PNMA6E: variants seen among roughly 807,000 people sequenced by gnomAD.
PNMA6E encodes the protein PNMA family member 6E, also known as paraneoplastic antigen Ma6E.
For missense variants in PNMA6E, 78 were observed against 50.8 expected, an observed-to-expected ratio of 1.53 and a Z score of -1.63; for synonymous variants, 43 against 17.1, an observed-to-expected ratio of 2.52 and a Z score of -3.74.
Position 153,397,340 on chromosome X carries a change from C to T in PNMA6E, c.1510G>A (p.Gly504Ser), listed in dbSNP as rs2088815573. Residue 504 changes from glycine (G) to serine (S), a missense_variant, in exon 2 of 2, where the codon GGT becomes AGT. Coordinates refer to ENST00000445091, the MANE Select transcript of PNMA6E (RefSeq NM_001367770.1). ...ACTGGGGCCGCTGCCCAGGCCACAC[C>T]CTGCTGGCTCCTCGCTGGGAAGGCT... ...WAAFPARSQQ[G>S]VAWAAAPVES... 1 of 297,063 alleles carries T rather than the reference C, an allele frequency of 3.4e-6. No homozygotes were observed. Among genetic ancestry groups the T allele is most frequent in the South Asian group, 2.0e-4 (1 of 4,997 alleles). The allele number at this position is 297,063 out of a possible 1,213,427, so 24.5% of individuals were successfully genotyped here. A position where few individuals can be genotyped will look rare whatever the true frequency, so the allele number is the denominator to read the frequency against.
At chrX:153,411,375 G>T in the PNMA6E span, among the ~76,000 whole-genome samples, 4 of 112,153 alleles carry the variant, frequency 3.6e-5, no homozygotes, top group Non-Finnish European at 7.6e-5. Flanking sequence ...GCCCCTGTGG[G>T]GCGGGCGCGG....
chrX:153,407,041 A>T, the PNMA6E span, among the ~76,000 whole-genome samples: 1 of 112,518 alleles, frequency 8.9e-6, no homozygotes, highest in Non-Finnish European at 1.9e-5. Context: ...CTGGCACGAG[A>T]TCACAAGCTC....
chrX:153,412,985 G>A, the PNMA6E span, among the ~76,000 whole-genome samples: 4 of 111,480 alleles, frequency 3.6e-5, no homozygotes, highest in African/African-American at 9.8e-5. Context: ...GGAGGGCCCC[G>A]GTCGACCCAT....
In PNMA6E at chrX:153,397,191, G is replaced by C. The variant is rs2088814334; in HGVS notation, c.1659C>G (p.Ala553=). The change falls in exon 2 of 2, where the codon GCC becomes GCG. Residue 553 remains alanine (A), a synonymous_variant. Transcript: ENST00000445091. ...ASATKEAARG[A]PAAGEGESAP... is the part of the protein sequence containing the mutation. The stretch of plus-strand genomic sequence containing the variant: ...CACTTTCACCTTCCCCAGCGGCAGG[G>C]GCTCCCCTTGCAGCCTCTTTGGTGG... 1.0e-5 allele frequency: 3 copies of C among 296,967 alleles called. No individual in the cohort carries two copies. Among genetic ancestry groups the C allele is most frequent in the Non-Finnish European group, 1.8e-5 (3 of 170,203 alleles). 24.5% of individuals were successfully genotyped at this position (296,967 alleles called of 1,213,427 possible).
upstream of PNMA6E, among the ~76,000 whole-genome samples, chrX:153,402,002 T>G (rs998440115): frequency 2.7e-5 from 3 of 110,222 alleles, no homozygotes; most frequent in African/African-American, 9.9e-5. Flanking sequence ...TTTTGGTATT[T>G]TTAGTAGAGA....
rs1345823273 is a variant in PNMA6E at position 153,398,657 on chromosome X, C to T, written c.193G>A (p.Ala65Thr). 1 of 327,369 alleles carries T rather than the reference C, an allele frequency of 3.1e-6. No individual in the cohort carries two copies. The highest frequency in any genetic ancestry group is 2.6e-5 in the African/African-American group (1 of 38,129). The allele number at this position is 327,369 out of a possible 1,213,427, so 27.0% of individuals were successfully genotyped here. A position where few individuals can be genotyped will look rare whatever the true frequency, so the allele number is the denominator to read the frequency against. Reference protein sequence around the residue: ...HFRKELGAKAALVEFAEYLNR... With the variant: ...HFRKELGAKATLVEFAEYLNR... ...AAATACTCAGCGAACTCCACCAAGG[C>T]TGCCTTGGCCCCGAGCTCCTTTCTG... is the stretch of plus-strand genomic sequence containing the variant. The change falls in exon 2 of 2, where the codon GCC becomes ACC. Residue 65 changes from alanine (A) to threonine (T), a missense_variant. Coordinates refer to ENST00000445091, the MANE Select transcript of PNMA6E (RefSeq NM_001367770.1).
At chrX:153,406,899 G>A in the PNMA6E span, among the ~76,000 whole-genome samples, 1 of 111,964 alleles carries the variant, frequency 8.9e-6, no homozygotes, top group South Asian at 3.8e-4. Flanking sequence ...GACCTAAAAC[G>A]TGCAGAGAAC....
the PNMA6E span, among the ~76,000 whole-genome samples, chrX:153,411,869 G>A: frequency 3.5e-5 from 2 of 57,497 alleles, no homozygotes; most frequent in African/African-American, 1.4e-4. Flanking sequence ...CCTCGGGGCC[G>A]CCCCGTACCA....
At chrX:153,406,924 G>C in the PNMA6E span, among the ~76,000 whole-genome samples, 2 of 112,185 alleles carry the variant, frequency 1.8e-5, no homozygotes, top group Non-Finnish European at 3.8e-5. Flanking sequence ...CAGACACCGT[G>C]AATGATGGGA....
chrX:153,411,431 C>CCT, the PNMA6E span, among the ~76,000 whole-genome samples: 1 of 112,372 alleles, frequency 8.9e-6, no homozygotes, highest in African/African-American at 3.2e-5. Flanking sequence ...ATGCCCCCCC[C>CCT]ACAACGCGCC....
chrX:153,404,250 G>A (rs782701270), upstream of PNMA6E: 2 of 110,309 alleles, frequency 1.8e-5, no homozygotes, highest in African/African-American at 3.3e-5. Flanking sequence ...AAAGTGCTGG[G>A]ATTACAGGCA....
the PNMA6E span, among the ~76,000 whole-genome samples, chrX:153,408,971 C>T: frequency 1.1e-4 from 12 of 112,789 alleles, no homozygotes. Context: ...CCACAGACAG[C>T]TTGACGTCAC....
At position 153,398,524 on chromosome X, in the gene PNMA6E, G is replaced by A; in HGVS notation, c.326C>T (p.Pro109Leu). ...VIEFQDMPSF[P>L]AQPQGQAVAK... ...TACTGCTTGACCCTGGGGCTGTGCA[G>A]GAAAACTGGGCATATCCTGAAACTC... The change falls in exon 2 of 2, where the codon CCT (proline) becomes CTT (leucine). Residue 109 changes from proline (P) to leucine (L), a missense_variant. Physicochemically the swap from Pro to Leu is moderately conservative, Grantham distance 98. Transcript: ENST00000445091. 2.7e-6 allele frequency: 1 copy of A among 374,222 alleles called. No individual in the cohort carries two copies. Among genetic ancestry groups the A allele is most frequent in the African/African-American group, 2.5e-5 (1 of 39,558 alleles). 30.8% of individuals were successfully genotyped at this position (374,222 alleles called of 1,213,427 possible).
the PNMA6E span, among the ~76,000 whole-genome samples, chrX:153,413,065 C>A: frequency 3.6e-5 from 4 of 110,801 alleles, no homozygotes; most frequent in African/African-American, 1.3e-4. Context: ...GCCAGGTGGG[C>A]AGCAGGTGAC....
chrX:153,403,734 G>A (rs77612806), upstream of PNMA6E: 18,084 of 109,490 alleles, frequency 0.17, 1,468 homozygotes, highest in East Asian at 0.36. Context: ...CTTGAGGTCA[G>A]GAGTTTGAGA....
the PNMA6E span, among the ~76,000 whole-genome samples, chrX:153,411,797 C>T: frequency 1.8e-5 from 2 of 112,363 alleles, no homozygotes. Context: ...GAGGGAGCTG[C>T]GGCGGCGGCG....
chrX:153,401,630 C>T (rs7057192), upstream of PNMA6E, among the ~76,000 whole-genome samples: 244 of 111,962 alleles, frequency 2.2e-3, 1 homozygote, highest in African/African-American at 7.6e-3. Flanking sequence ...CGAGGATCGG[C>T]GGAGTACATT....
upstream of PNMA6E, among the ~76,000 whole-genome samples, chrX:153,402,212 C>T (rs781824127): frequency 1.8e-5 from 2 of 111,862 alleles, no homozygotes; most frequent in Non-Finnish European, 3.8e-5. Context: ...ATTCTGTCAA[C>T]TTTTGTTTTA....
At chrX:153,412,079 C>T in the PNMA6E span, among the ~76,000 whole-genome samples, 35 of 112,978 alleles carry the variant, frequency 3.1e-4, no homozygotes, top group Admixed American at 6.5e-4. Flanking sequence ...GAGGTTGTGG[C>T]ACCGCTGCCC....
Sources: gnomAD v4.1 joint callset for allele counts (sites outside exome capture counted in the v4.1 genomes callset) on GRCh38, gnomAD v4.1.1 for gene constraint, MANE v1.5 for transcripts, NCBI Gene and HGNC (gene_info 2026-07-23, HGNC 2026-07-21) for gene names.